Variants in PHF20 observed in about 807,000 individuals in gnomAD.
PHF20 encodes glioma-expressed antigen 2.
Under a neutral mutation model 113.5 loss-of-function variants are expected in PHF20, and 23 were observed. The ratio of observed to expected loss-of-function variants is 0.20; its 90% CI spans 0.15 to 0.29. The LOEUF (loss-of-function observed/expected upper bound fraction) is 0.29, where lower values mean the gene tolerates loss of function less well. PHF20 is among the 10% of genes least tolerant of loss of function. The probability of loss-of-function intolerance (pLI) is 1.00; values close to 1 mark genes in which losing one functional copy is unlikely to be tolerated. For missense variants in PHF20, 943 were observed against 1,219.6 expected, an observed-to-expected ratio of 0.77 and a Z score of 3.38; for synonymous variants, 434 against 457.3, an observed-to-expected ratio of 0.95 and a Z score of 0.65.
chr20:35,807,129 T>C (rs1197652387), intron 2 of PHF20, among the ~76,000 whole-genome samples: 1 of 152,060 alleles, frequency 6.6e-6, no homozygotes, highest in Admixed American at 6.6e-5. Context: ...TTTGTAGTAT[T>C]GTTGAGTGTC....
intron 9 of PHF20, among the ~76,000 whole-genome samples, chr20:35,876,537 C>CCCAG (rs2054525411): frequency 6.6e-6 from 1 of 151,878 alleles, no homozygotes; most frequent in Non-Finnish European, 1.5e-5. Context: ...CGCCCCTGCA[C>CCCAG]CCAGCTTAGG....
rs1027327723 is a variant in PHF20 at position 35,837,202 on chromosome 20, C to CA, written c.84-5363dup. 3.3e-4 allele frequency among the ~76,000 whole-genome samples: 50 copies of CA among 151,268 alleles called. 1 individual carries two copies. The East Asian group carries it at 6.6e-3, about 20-fold the overall frequency. ...ACAAAACAAGAAACAAAAACAAAAA[C>CA]AAAAAAAACACAAAACCCCAAAAAG... is the stretch of plus-strand genomic sequence containing the variant. On this transcript the variant is annotated intron_variant, in intron 2 of 17. Coordinates refer to ENST00000374012, the MANE Select transcript of PHF20 (RefSeq NM_016436.5).
At chr20:35,916,166 T>C (rs969137109) in intron 12 of PHF20, among the ~76,000 whole-genome samples, 3 of 152,280 alleles carry the variant, frequency 2.0e-5, no homozygotes, top group Non-Finnish European at 4.4e-5. Flanking sequence ...TAATAAAAAG[T>C]AAAACAATAT....
chr20:35,917,275 G>C (rs949363624), intron 12 of PHF20: 2 of 663,116 alleles, frequency 3.0e-6, no homozygotes, highest in Non-Finnish European at 5.7e-6. Flanking sequence ...ATGAGGAAGT[G>C]GAGTTGAGTT....
intron 1 of PHF20, among the ~76,000 whole-genome samples, chr20:35,794,070 G>A (rs530434714): frequency 6.6e-6 from 1 of 150,466 alleles, no homozygotes; most frequent in African/African-American, 2.4e-5. Context: ...GGAGGCTGAG[G>A]TGGGTGGATC....
chr20:35,922,617 C>T (rs1033524254), intron 13 of PHF20, among the ~76,000 whole-genome samples: 8 of 152,220 alleles, frequency 5.3e-5, no homozygotes, highest in African/African-American at 1.4e-4. Flanking sequence ...TTAATAAATA[C>T]GGTATTTGAG....
At chr20:35,777,372 T>G (rs1025381504) in intron 1 of PHF20, among the ~76,000 whole-genome samples, 1 of 152,206 alleles carries the variant, frequency 6.6e-6, no homozygotes, top group African/African-American at 2.4e-5. Flanking sequence ...TTGGGGAAAG[T>G]ATGAGATGTA....
intron 13 of PHF20, among the ~76,000 whole-genome samples, chr20:35,924,432 G>C (rs1026341325): frequency 6.6e-6 from 1 of 151,806 alleles, no homozygotes; most frequent in East Asian, 1.9e-4. Flanking sequence ...GACCTCAGGT[G>C]ATCCGCCCAC....
At chr20:35,872,542 A>G (rs2054440920) in intron 9 of PHF20, among the ~76,000 whole-genome samples, 1 of 152,186 alleles carries the variant, frequency 6.6e-6, no homozygotes, top group South Asian at 2.1e-4. Context: ...ATAAATAATG[A>G]AATTATACAT....
intron 2 of PHF20, among the ~76,000 whole-genome samples, chr20:35,839,479 G>A (rs2042505243): frequency 6.6e-6 from 1 of 152,088 alleles, no homozygotes; most frequent in Non-Finnish European, 1.5e-5. Context: ...CTAGCCTCAG[G>A]TAGGCTGAAT....
At position 35,805,766 on chromosome 20, in the gene PHF20, C is replaced by T. The variant is rs1327073679; in HGVS notation, c.83+4161C>T. Among the ~76,000 whole-genome samples the T allele has an allele frequency of 3.3e-5, 5 of 152,218 alleles. No individual in the cohort carries two copies. In the East Asian group the frequency reaches 9.6e-4, roughly 29 times the overall value. On this transcript the variant is annotated intron_variant, in intron 2 of 17. Coordinates refer to ENST00000374012, the MANE Select transcript of PHF20 (RefSeq NM_016436.5). The stretch of plus-strand genomic sequence containing the variant: ...AAATGCTGGGGTTACAGGCATAAGT[C>T]ACCATACCTGATCTATATAAATTTA...
At chr20:35,874,411 T>G (rs2054480785) in intron 9 of PHF20, among the ~76,000 whole-genome samples, 1 of 152,236 alleles carries the variant, frequency 6.6e-6, no homozygotes, top group South Asian at 2.1e-4. Flanking sequence ...GAAGATTTCT[T>G]TTCAGCATGA....
At chr20:35,779,076 C>T (rs1200369960) in intron 1 of PHF20, among the ~76,000 whole-genome samples, 5 of 150,996 alleles carry the variant, frequency 3.3e-5, no homozygotes, top group African/African-American at 1.2e-4. Context: ...CACTTCGTTG[C>T]CCAGGCTAGA....
At chr20:35,849,796 G>C (rs1308893690) in intron 4 of PHF20, among the ~76,000 whole-genome samples, 1 of 150,840 alleles carries the variant, frequency 6.6e-6, no homozygotes, top group Non-Finnish European at 1.5e-5. Flanking sequence ...CTTATGTCTT[G>C]TTGGTGCTGC....
chr20:35,878,736 GA>G, intron 9 of PHF20: 1 of 754,040 alleles, frequency 1.3e-6, no homozygotes, highest in Non-Finnish European at 2.4e-6. Flanking sequence ...AGCCTTAGAA[GA>G]AGAGACGCTG....
At chr20:35,872,714 T>C (rs1459353213) in intron 9 of PHF20, among the ~76,000 whole-genome samples, 1 of 152,242 alleles carries the variant, frequency 6.6e-6, no homozygotes, top group Non-Finnish European at 1.5e-5. Context: ...AGATACCTTA[T>C]TGCTATTGAT....
At chr20:35,876,169 G>T (rs1331854701) in intron 9 of PHF20, among the ~76,000 whole-genome samples, 1 of 152,076 alleles carries the variant, frequency 6.6e-6, no homozygotes, top group African/African-American at 2.4e-5. Flanking sequence ...AAGGGTGGAG[G>T]TCAAATTACT....
At chr20:35,806,555 C>T (rs370802909) in intron 2 of PHF20, among the ~76,000 whole-genome samples, 7 of 152,196 alleles carry the variant, frequency 4.6e-5, no homozygotes, top group African/African-American at 1.7e-4. Flanking sequence ...TAACCAGTTG[C>T]TCCAATATCA....
chr20:35,849,297 G>A, intron 4 of PHF20: 1 of 383,006 alleles, frequency 2.6e-6, no homozygotes, highest in South Asian at 2.1e-5. Context: ...TCTAAGAGGG[G>A]TGGGAAGGTG....
Sources: allele counts gnomAD v4.1 joint callset (sites outside exome capture counted in the v4.1 genomes callset), GRCh38; gene constraint gnomAD v4.1.1; transcripts MANE v1.5; gene names NCBI Gene and HGNC (gene_info 2026-07-23, HGNC 2026-07-21).